Variants in ZNF578 observed in about 807,000 individuals in gnomAD.
The protein encoded by ZNF578 is zinc finger protein 578.
In ZNF578, 8 loss-of-function variants were observed where a neutral mutation model predicts 8.3. That is an observed-to-expected ratio of 0.96 (90% CI 0.56 to 1.74). ZNF578 has a LOEUF of 1.74. Ranked by LOEUF, ZNF578 falls within the 40% of genes most tolerant of loss-of-function variation. The probability of loss-of-function intolerance (pLI) is 0.00; values close to 1 mark genes in which losing one functional copy is unlikely to be tolerated. For missense variants in ZNF578, 726 were observed against 707.5 expected, an observed-to-expected ratio of 1.03 and a Z score of -0.30; for synonymous variants, 206 against 232.2, an observed-to-expected ratio of 0.89 and a Z score of 1.03.
chr19:52,501,694 C>T, intron 3 of ZNF578, 133 bp from the exon 4 acceptor site: 3 of 865,060 alleles, frequency 3.5e-6, no homozygotes, highest in Non-Finnish European at 5.2e-6. Context: ...CTTATGTCTG[C>T]ATGATCTCTG....
At chr19:52,506,205 G>A (rs1260736529) in intron 5 of ZNF578, among the ~76,000 whole-genome samples, 11 of 152,008 alleles carry the variant, frequency 7.2e-5, no homozygotes, top group Non-Finnish European at 7.4e-5. Context: ...GGCCCCATCC[G>A]AGTTTGTTTT....
intron 3 of ZNF578, among the ~76,000 whole-genome samples, chr19:52,501,098 T>C (rs2059405470): frequency 6.6e-6 from 1 of 151,942 alleles, no homozygotes; most frequent in East Asian, 1.9e-4. Context: ...AGTCTGGTCT[T>C]GAAGTCCTGA....
chr19:52,484,885 C>T (rs553665411), intron 2 of ZNF578, among the ~76,000 whole-genome samples: 2 of 150,052 alleles, frequency 1.3e-5, no homozygotes, highest in African/African-American at 4.9e-5. Context: ...CCCGCCTGCA[C>T]CCAGGTGAAA....
intron 5 of ZNF578, 55 bp from the exon 6 acceptor site, chr19:52,510,517 G>T: frequency 2.7e-6 from 4 of 1,475,460 alleles, no homozygotes; most frequent in Non-Finnish European, 3.6e-6. Context: ...ACACACTTCA[G>T]TATGATTTAC....
chr19:52,486,081 T>A (rs1265931102), intron 2 of ZNF578, among the ~76,000 whole-genome samples: 1 of 152,214 alleles, frequency 6.6e-6, no homozygotes, highest in Non-Finnish European at 1.5e-5. Flanking sequence ...CCCGATTGTA[T>A]GTTCTATTCA....
rs140033863 is a variant in ZNF578 at position 52,509,374 on chromosome 19, G to A, written c.191-1198G>A. 1.2e-3 allele frequency among the ~76,000 whole-genome samples: 181 copies of A among 152,134 alleles called. 2 individuals carry two copies. The highest frequency in any genetic ancestry group is 4.0e-3 in the African/African-American group (164 of 41,508). On this transcript the variant is annotated intron_variant, in intron 5 of 5. Coordinates refer to ENST00000421239, the MANE Select transcript of ZNF578 (RefSeq NM_001099694.2). ...TTAGAATTCTGCAGGCTGTATAAATGTACTTATTTGCTTGCTGGTTTTATC... is the reference window on the plus strand; with the variant it reads ...TTAGAATTCTGCAGGCTGTATAAATATACTTATTTGCTTGCTGGTTTTATC...
chr19:52,506,277 G>A (rs923259809), intron 5 of ZNF578, among the ~76,000 whole-genome samples: 5 of 151,736 alleles, frequency 3.3e-5, no homozygotes, highest in African/African-American at 9.7e-5. Flanking sequence ...TTTATCTGTC[G>A]ATGGATATCT....
intron 2 of ZNF578, among the ~76,000 whole-genome samples, chr19:52,480,764 G>GTA (rs2059323339): frequency 6.6e-6 from 1 of 151,828 alleles, no homozygotes; most frequent in Non-Finnish European, 1.5e-5. Context: ...GGGCATGGTG[G>GTA]CACTTGCCTA....
chr19:52,504,883 T>TTTTG, intron 5 of ZNF578, 102 bp downstream of exon 5: 1 of 1,127,386 alleles, frequency 8.9e-7, no homozygotes, highest in Non-Finnish European at 1.2e-6. Flanking sequence ...TACGTGGTTT[T>TTTTG]TTTGTTTGAT....
intron 2 of ZNF578, among the ~76,000 whole-genome samples, chr19:52,481,446 A>G (rs1364914383): frequency 6.6e-6 from 1 of 152,242 alleles, no homozygotes; most frequent in African/African-American, 2.4e-5. Flanking sequence ...TTCACATTGG[A>G]TAAGATTAGT....
intron 2 of ZNF578, among the ~76,000 whole-genome samples, chr19:52,461,386 G>A (rs575675656): frequency 8.5e-5 from 13 of 152,218 alleles, no homozygotes; most frequent in African/African-American, 3.1e-4. Flanking sequence ...TGGTCTGTTT[G>A]AGTCTGAGAA....
chr19:52,495,201 G>C (rs1440588421), intron 3 of ZNF578, among the ~76,000 whole-genome samples: 1 of 132,350 alleles, frequency 7.6e-6, no homozygotes, highest in Admixed American at 7.9e-5. Flanking sequence ...TTTCACTCCT[G>C]TTGCCCAGGC....
chr19:52,486,099 A>T (rs550196960), intron 2 of ZNF578, among the ~76,000 whole-genome samples: 1 of 152,376 alleles, frequency 6.6e-6, no homozygotes, highest in South Asian at 2.1e-4. Context: ...TCACTGAGAT[A>T]GGAGAAAACG....
At position 52,512,311 on chromosome 19, in the gene ZNF578, C is replaced by T; in HGVS notation, c.*157C>T. On this transcript the variant is annotated 3_prime_UTR_variant, in exon 6 of 6. Transcript: ENST00000421239. Reference sequence around the variant, plus strand: ...CCTTTAGTGACCAGTCAACACTTACCATCAGGCCATTCATGGTGTAGGGAA... The same window carrying T: ...CCTTTAGTGACCAGTCAACACTTACTATCAGGCCATTCATGGTGTAGGGAA... The T allele has an allele frequency of 6.5e-7, 1 of 1,543,898 alleles. No homozygotes were observed. The highest frequency in any genetic ancestry group is 8.9e-7 in the Non-Finnish European group (1 of 1,117,864).
rs747421133 is a variant in ZNF578, at chr19:52,511,830, C to G, written c.1449C>G (p.Tyr483Ter). ...TAATTCATACTGGAGAGAAACCTTA[C>G]AAGTGTAATGAGTGTCACAAGACCT... ...HKIIHTGEKP[Y>*]KCNECHKTFS... The change falls in exon 6 of 6, where the codon TAC becomes TAG. Residue 483 changes from tyrosine (Y) to a stop codon, truncating the protein, a stop_gained. Transcript: ENST00000421239. LOFTEE classifies it low-confidence loss of function (END_TRUNC). 41 of 1,613,786 alleles carry G rather than the reference C, an allele frequency of 2.5e-5. No homozygotes were observed. The highest frequency in any genetic ancestry group is 5.5e-5 in the South Asian group (5 of 91,082).
chr19:52,509,299 G>A (rs548245544), intron 5 of ZNF578, among the ~76,000 whole-genome samples: 25 of 152,236 alleles, frequency 1.6e-4, no homozygotes, highest in African/African-American at 6.0e-4. Flanking sequence ...CTTATATTGT[G>A]TGCTGGTGGT....
chr19:52,472,947 A>G (rs979156), intron 2 of ZNF578, among the ~76,000 whole-genome samples: 136,540 of 152,220 alleles, frequency 0.9, 61,824 homozygotes, highest in Non-Finnish European at 0.96. Flanking sequence ...GTTGTATAAT[A>G]TTTCTTCAGC....
intron 2 of ZNF578, among the ~76,000 whole-genome samples, chr19:52,463,812 A>G (rs1010612818): frequency 3.3e-5 from 5 of 152,182 alleles, no homozygotes; most frequent in East Asian, 1.9e-4. Context: ...AAGGTCCCAC[A>G]TATGCCATTT....
intron 1 of ZNF578, chr19:52,455,535 T>C (rs12460429): frequency 0.89 from 135,014 of 152,204 alleles, 60,649 homozygotes; most frequent in Non-Finnish European, 0.96. Flanking sequence ...TTTTAAACCC[T>C]ACCTTTATGT....
Sources: gnomAD v4.1 joint callset for allele counts (sites outside exome capture counted in the v4.1 genomes callset) on GRCh38, gnomAD v4.1.1 for gene constraint, MANE v1.5 for transcripts, NCBI Gene and HGNC (gene_info 2026-07-23, HGNC 2026-07-21) for gene names.